Variants in KCNJ16 observed in about 807,000 individuals in gnomAD.
KCNJ16 encodes inward rectifier potassium channel 16.
In KCNJ16, 15 loss-of-function variants were observed where a neutral mutation model predicts 18.5. The ratio of observed to expected loss-of-function variants is 0.81; its 90% CI spans 0.54 to 1.25. The LOEUF (loss-of-function observed/expected upper bound fraction) is 1.25. KCNJ16 is among the 50% of genes most tolerant of loss of function. The probability of loss-of-function intolerance (pLI) is 0.00; values close to 1 mark genes in which losing one functional copy is unlikely to be tolerated. For synonymous variants in KCNJ16, 174 were observed against 186.5 expected (o/e 0.93, Z 0.55); for missense variants, 523 against 525.7 (o/e 0.99, Z 0.05).
intron 1 of KCNJ16, 73 bp from the exon 2 acceptor site, chr17:70,100,585 T>A (rs557792210): frequency 6.6e-6 from 1 of 152,342 alleles, no homozygotes; most frequent in Admixed American, 6.5e-5. Context: ...GGTACTGTTT[T>A]AAGTGCTTTA....
At chr17:70,126,572 A>G (rs578171684) in intron 2 of KCNJ16, among the ~76,000 whole-genome samples, 1 of 152,334 alleles carries the variant, frequency 6.6e-6, no homozygotes, top group Non-Finnish European at 1.5e-5. Context: ...AATTAGTACC[A>G]TGAGGCTCAG....
At chr17:70,128,633 T>C (rs761331607) in intron 2 of KCNJ16, 4 of 152,254 alleles carry the variant, frequency 2.6e-5, no homozygotes, top group South Asian at 2.1e-4. Flanking sequence ...TATGTCAGAA[T>C]AGACCTTACC....
chr17:70,121,937 C>A (rs893347948), intron 2 of KCNJ16, among the ~76,000 whole-genome samples: 1 of 152,004 alleles, frequency 6.6e-6, no homozygotes, highest in African/African-American at 2.4e-5. Flanking sequence ...CCAGCCTGGG[C>A]AACAGAGCAA....
In KCNJ16 at chr17:70,103,324, A is replaced by ACATATATATACACACACACACACATAT. The variant is rs1555589209; in HGVS notation, c.-191+2560_-191+2561insTATATATACACACACACACACATATCA. On this transcript the variant is annotated intron_variant, in intron 2 of 3. Coordinates refer to ENST00000392671, the MANE Select transcript of KCNJ16 (RefSeq NM_170741.4). ...TATATATATATATATATATATATAC[A>ACATATATATACACACACACACACATAT]CACACATATATATATATTTTTTTGT... 2.6e-5 allele frequency among the ~76,000 whole-genome samples: 3 copies of ACATATATATACACACACACACACATAT among 113,348 alleles called. No homozygotes were observed. The East Asian group carries it at 8.4e-4, about 32-fold the overall frequency. 74.4% of individuals were successfully genotyped at this position (113,348 alleles called of 152,430 possible). A position where few individuals can be genotyped will look rare whatever the true frequency, so the allele number is the denominator to read the frequency against.
At chr17:70,122,016 T>C (rs1356712054) in intron 2 of KCNJ16, among the ~76,000 whole-genome samples, 3 of 151,972 alleles carry the variant, frequency 2.0e-5, no homozygotes, top group Non-Finnish European at 4.4e-5. Context: ...AGGAGACCTC[T>C]TAGGAAGTTG....
At position 70,133,242 on chromosome 17, in the gene KCNJ16, C is replaced by G. The variant is rs757120351; in HGVS notation, c.1155C>G (p.Asn385Lys). Residue 385 changes from asparagine (N) to lysine (K), a missense_variant, in exon 4 of 4, where the codon AAC (asparagine) becomes AAG (lysine). Coordinates refer to ENST00000392671, the MANE Select transcript of KCNJ16 (RefSeq NM_170741.4). ...SAVAIVSSCE[N>K]PEETTTSATH... is the part of the protein sequence containing the mutation. ...TTGCCATTGTCAGCAGCTGTGAAAA[C>G]CCTGAGGAGACCACCACTTCCGCCA... The G allele has an allele frequency of 1.2e-6, 2 of 1,614,158 alleles. No individual in the cohort carries two copies. The highest frequency in any genetic ancestry group is 8.5e-7 in the Non-Finnish European group (1 of 1,180,018).
rs762007717 is a variant in KCNJ16 at position 70,132,115 on chromosome 17, A to G, written c.28A>G (p.Ile10Val). 2 of 1,614,204 alleles carry G rather than the reference A, an allele frequency of 1.2e-6. No individual in the cohort carries two copies. The highest frequency in any genetic ancestry group is 1.1e-5 in the South Asian group (1 of 91,084). Residue 10 changes from isoleucine to valine, a missense_variant, in exon 4 of 4, where the codon ATT becomes GTT. Coordinates refer to ENST00000392671, the MANE Select transcript of KCNJ16 (RefSeq NM_170741.4). ...GAGCTATTACGGCAGCAGCTATCAT[A>G]TTATCAATGCGGACGCAAAATACCC... is the stretch of plus-strand genomic sequence containing the variant. Reference protein sequence around the residue: MSYYGSSYHIINADAKYPGY... With the variant: MSYYGSSYHVINADAKYPGY...
chr17:70,084,053 C>G (rs1344096910), intron 1 of KCNJ16, among the ~76,000 whole-genome samples: 1 of 152,168 alleles, frequency 6.6e-6, no homozygotes. Flanking sequence ...GATGTGTAGG[C>G]ACAGTGGGCT....
At chr17:70,083,739 T>C (rs555890570) in intron 1 of KCNJ16, among the ~76,000 whole-genome samples, 2 of 152,278 alleles carry the variant, frequency 1.3e-5, no homozygotes, top group South Asian at 2.1e-4. Context: ...TGACTGTATA[T>C]ATATCATAAA....
intron 2 of KCNJ16, among the ~76,000 whole-genome samples, chr17:70,120,804 C>T (rs1419594924): frequency 1.3e-5 from 2 of 152,138 alleles, no homozygotes; most frequent in African/African-American, 4.8e-5. Flanking sequence ...GGGATTACAA[C>T]TCAACATGAG....
chr17:70,091,714 T>C (rs2072099370), intron 1 of KCNJ16, among the ~76,000 whole-genome samples: 1 of 152,200 alleles, frequency 6.6e-6, no homozygotes, highest in Admixed American at 6.5e-5. Context: ...TTTCTTGCTA[T>C]TACCTAGGTA....
intron 1 of KCNJ16, among the ~76,000 whole-genome samples, chr17:70,090,123 C>T (rs2072017543): frequency 6.6e-6 from 1 of 152,188 alleles, no homozygotes; most frequent in African/African-American, 2.4e-5. Context: ...TAAAACAGGG[C>T]AACTGGAATC....
intron 2 of KCNJ16, among the ~76,000 whole-genome samples, chr17:70,106,681 C>G (rs1228248561): frequency 2.0e-5 from 3 of 152,232 alleles, no homozygotes; most frequent in Non-Finnish European, 4.4e-5. Context: ...GTTTTCTGAC[C>G]TGCAATATTT....
At chr17:70,078,322 GT>G (rs1294051998) in intron 1 of KCNJ16, among the ~76,000 whole-genome samples, 11 of 149,524 alleles carry the variant, frequency 7.4e-5, no homozygotes, top group Non-Finnish European at 1.5e-5. Flanking sequence ...GGAAAAAACA[GT>G]CCCAAATTAG....
intron 2 of KCNJ16, among the ~76,000 whole-genome samples, chr17:70,125,196 T>C (rs933607495): frequency 6.6e-6 from 1 of 151,000 alleles, no homozygotes; most frequent in Non-Finnish European, 1.5e-5. Context: ...CTTCAGCTCA[T>C]GAGATCAAGG....
rs994959908 is a variant in KCNJ16, at chr17:70,135,171, C to A, written c.*1827C>A. 1 of 166,700 alleles carries A rather than the reference C, an allele frequency of 6.0e-6. No homozygotes were observed. The highest frequency in any genetic ancestry group is 6.5e-5 in the Admixed American group (1 of 15,280). The allele number at this position is 166,700 out of a possible 1,614,324, so 10.3% of individuals were successfully genotyped here. A position where few individuals can be genotyped will look rare whatever the true frequency, so the allele number is the denominator to read the frequency against. On this transcript the variant is annotated 3_prime_UTR_variant, in exon 4 of 4. Transcript: ENST00000392671. ...AGACCCAAGTAAGATTGTTTTTAGT[C>A]TTGCTTGAGGAATGCACACTCCATT...
Position 70,089,837 on chromosome 17 carries a change from T to C in KCNJ16, c.-299-10821T>C, listed in dbSNP as rs570675347. Among the ~76,000 whole-genome samples, 4 of 152,360 alleles carry C rather than the reference T, an allele frequency of 2.6e-5. 1 individual carries two copies. The South Asian group carries it at 8.3e-4, about 32-fold the overall frequency. Reference sequence around the variant, plus strand: ...GACTAACTCTGTTTAGAATCTCTAATTATATCACACTCAAGATAAAGGCCG... The same window carrying C: ...GACTAACTCTGTTTAGAATCTCTAACTATATCACACTCAAGATAAAGGCCG... On this transcript the variant is annotated intron_variant, in intron 1 of 3. Transcript: ENST00000392671.
chr17:70,127,636 C>T (rs2073901042), intron 2 of KCNJ16, among the ~76,000 whole-genome samples: 1 of 151,652 alleles, frequency 6.6e-6, no homozygotes, highest in Non-Finnish European at 1.5e-5. Context: ...CCGTCTCCTC[C>T]TCCTCCTCCC....
At chr17:70,108,853 T>C (rs950593823) in intron 2 of KCNJ16, among the ~76,000 whole-genome samples, 3 of 152,134 alleles carry the variant, frequency 2.0e-5, no homozygotes, top group Admixed American at 2.0e-4. Context: ...TGATAACTGT[T>C]TAGTATAATC....
Sources: allele counts gnomAD v4.1 joint callset (sites outside exome capture counted in the v4.1 genomes callset), GRCh38; gene constraint gnomAD v4.1.1; transcripts MANE v1.5; gene names NCBI Gene and HGNC (gene_info 2026-07-23, HGNC 2026-07-21).